Variants in OTC observed in about 807,000 individuals in gnomAD.
OTC encodes the protein ornithine transcarbamylase, also known as ornithine transcarbamylase, mitochondrial.
Under a neutral mutation model 30.3 loss-of-function variants are expected in OTC, and 3 were observed. The observed-to-expected ratio is 0.10, with a 90% CI of 0.05 to 0.26. The LOEUF (loss-of-function observed/expected upper bound fraction) is 0.26, where lower values mean the gene tolerates loss of function less well. Among genes scored for constraint, OTC ranks in the 10% least tolerant of loss-of-function variants. OTC has a pLI of 1.00. For missense variants in OTC, 194 were observed against 260.3 expected (o/e 0.75, Z 1.75); for synonymous variants, 111 against 99.7 (o/e 1.11, Z -0.67).
the OTC span, among the ~76,000 whole-genome samples, chrX:38,334,375 A>T: frequency 8.9e-6 from 1 of 112,153 alleles, no homozygotes. Context: ...AGCACAGAAC[A>T]GCAGTCTTCA....
intron 5 of OTC, 23 bp downstream of exon 5, chrX:38,401,451 C>T (rs1336872088): frequency 1.8e-6 from 2 of 1,136,739 alleles, no homozygotes; most frequent in South Asian, 1.8e-5. Context: ...ATTTGTCTTA[C>T]AAAAGAGCAA....
intron 5 of OTC, among the ~76,000 whole-genome samples, chrX:38,402,255 T>A (rs1367566241): frequency 1.9e-5 from 2 of 105,141 alleles, no homozygotes; most frequent in African/African-American, 7.2e-5. Flanking sequence ...GGTGTGGCTT[T>A]ACATATACAC....
chrX:38,354,537 CT>C (rs369911712), intron 1 of OTC, among the ~76,000 whole-genome samples: 4,017 of 104,883 alleles, frequency 0.038, 197 homozygotes, highest in African/African-American at 0.13. Flanking sequence ...AACAGTTGAA[CT>C]TTTTTTTTTT....
intron 9 of OTC, among the ~76,000 whole-genome samples, chrX:38,416,984 C>T (rs781091475): frequency 1.8e-5 from 2 of 112,222 alleles, no homozygotes; most frequent in East Asian, 5.6e-4. Context: ...TCAGACATCA[C>T]CTTAAATGTT....
chrX:38,383,843 T>C (rs1191238137), intron 4 of OTC, among the ~76,000 whole-genome samples: 3 of 109,729 alleles, frequency 2.7e-5, no homozygotes, highest in Non-Finnish European at 5.7e-5. Context: ...AAGAAAACAT[T>C]GACAACATTG....
chrX:38,338,486 G>T, the OTC span, among the ~76,000 whole-genome samples: 2 of 112,005 alleles, frequency 1.8e-5, no homozygotes, highest in Non-Finnish European at 3.8e-5. Context: ...TTCTGAATCC[G>T]TCAGAGTTCT....
At chrX:38,389,964 C>A (rs1055854986) in intron 4 of OTC, among the ~76,000 whole-genome samples, 12 of 111,990 alleles carry the variant, frequency 1.1e-4, no homozygotes, top group African/African-American at 3.9e-4. Flanking sequence ...TCAAGACAAG[C>A]ACTGACTCAA....
At chrX:38,353,687 C>G (rs1418336373) in intron 1 of OTC, among the ~76,000 whole-genome samples, 1 of 111,377 alleles carries the variant, frequency 9.0e-6, no homozygotes, top group Non-Finnish European at 1.9e-5. Context: ...ACCATTAGCA[C>G]TACTTCTTTA....
chrX:38,386,627 C>T (rs1487100293), intron 4 of OTC, among the ~76,000 whole-genome samples: 1 of 111,127 alleles, frequency 9.0e-6, no homozygotes, highest in Non-Finnish European at 1.9e-5. Context: ...TTGCATATGC[C>T]GGGATTTCCT....
intron 1 of OTC, among the ~76,000 whole-genome samples, chrX:38,361,028 A>G (rs2068268700): frequency 2.7e-5 from 3 of 112,445 alleles, no homozygotes; most frequent in Non-Finnish European, 5.6e-5. Flanking sequence ...AGTGCAGTAC[A>G]TGAAAGTGCA....
chrX:38,419,658 G>C (rs188946037), intron 9 of OTC, among the ~76,000 whole-genome samples: 1 of 111,858 alleles, frequency 8.9e-6, no homozygotes, highest in East Asian at 2.8e-4. Flanking sequence ...AAATGTTACT[G>C]ATTTATGTAT....
chrX:38,367,535 T>A, intron 2 of OTC, 106 bp downstream of exon 2: 1 of 676,528 alleles, frequency 1.5e-6, no homozygotes, highest in Non-Finnish European at 2.3e-6. Context: ...TCTTAAACAG[T>A]AGCTAAGTAA....
upstream of OTC, among the ~76,000 whole-genome samples, chrX:38,351,419 G>A (rs779573342): frequency 2.7e-5 from 3 of 111,298 alleles, no homozygotes; most frequent in African/African-American, 6.5e-5. Context: ...GAGGGCTCCC[G>A]CTTCTTCGAA....
chrX:38,332,941 G>A, the OTC span, among the ~76,000 whole-genome samples: 2 of 111,337 alleles, frequency 1.8e-5, no homozygotes, highest in Non-Finnish European at 3.8e-5. Flanking sequence ...GTTTCAGGCT[G>A]GGCGCAGTGG....
At chrX:38,398,861 G>A (rs925992205) in intron 4 of OTC, among the ~76,000 whole-genome samples, 1 of 111,359 alleles carries the variant, frequency 9.0e-6, no homozygotes, top group Non-Finnish European at 1.9e-5. Context: ...ACTTAGTTCC[G>A]ATACACACCC....
At chrX:38,383,098 T>C (rs2068383742) in intron 4 of OTC, among the ~76,000 whole-genome samples, 1 of 111,590 alleles carries the variant, frequency 9.0e-6, no homozygotes, top group East Asian at 2.8e-4. Context: ...ACAGTTTTTT[T>C]TTTTTGTTAC....
intron 4 of OTC, among the ~76,000 whole-genome samples, chrX:38,389,407 A>AT (rs1267072893): frequency 9.0e-6 from 1 of 110,750 alleles, no homozygotes; most frequent in Non-Finnish European, 1.9e-5. Flanking sequence ...ATTTATAAAA[A>AT]AAAAAGCTGG....
chrX:38,358,554 G>A (rs2068253522), intron 1 of OTC, among the ~76,000 whole-genome samples: 1 of 110,195 alleles, frequency 9.1e-6, no homozygotes, highest in Non-Finnish European at 1.9e-5. Context: ...TGAGAAAGGT[G>A]GTGACTACTC....
intron 3 of OTC, among the ~76,000 whole-genome samples, chrX:38,373,338 A>G (rs2068331458): frequency 8.9e-6 from 1 of 112,520 alleles, no homozygotes; most frequent in Non-Finnish European, 1.9e-5. Context: ...TTCGCTTAAC[A>G]TTATGAGATG....
Sources: gnomAD v4.1 joint callset for allele counts (sites outside exome capture counted in the v4.1 genomes callset) on GRCh38, gnomAD v4.1.1 for gene constraint, MANE v1.5 for transcripts, NCBI Gene and HGNC (gene_info 2026-07-23, HGNC 2026-07-21) for gene names.